Variants in SOD2 observed in about 807,000 individuals in gnomAD.
The protein encoded by SOD2 is superoxide dismutase [Mn], mitochondrial.
SOD2 carries 11 observed loss-of-function variants against 27.0 expected under a neutral mutation model. The ratio of observed to expected loss-of-function variants is 0.41; its 90% CI spans 0.26 to 0.67. The LOEUF (loss-of-function observed/expected upper bound fraction) is 0.67. SOD2 is among the 30% of genes least tolerant of loss of function. SOD2 has a pLI of 0.34. For synonymous variants in SOD2, 105 were observed against 103.0 expected, an observed-to-expected ratio of 1.02 and a Z score of -0.12; for missense variants, 250 against 274.5, an observed-to-expected ratio of 0.91 and a Z score of 0.63.
chr6:159,698,015 C>A (rs1192901033), upstream of SOD2, among the ~76,000 whole-genome samples: 1 of 152,198 alleles, frequency 6.6e-6, no homozygotes, highest in African/African-American at 2.4e-5. Flanking sequence ...TGGCTCACGC[C>A]TATAATCCCA....
At chr6:159,693,046 C>A in intron 1 of SOD2, 99 bp downstream of exon 1, 1 of 1,487,578 alleles carries the variant, frequency 6.7e-7, no homozygotes, top group South Asian at 1.3e-5. Context: ...CCCGGTCCCG[C>A]CAGGCCCGGT....
chr6:159,698,793 G>GA (rs1777475751), intron 1 of SOD2, among the ~76,000 whole-genome samples: 1 of 150,882 alleles, frequency 6.6e-6, no homozygotes, highest in Non-Finnish European at 1.5e-5. Context: ...GTAAGCTAGA[G>GA]AAAAGAAAAA....
Position 159,677,496 on chromosome 6 carries a change from GC to G in SOD2, c.*4996del, listed in dbSNP as rs1335175584. On this transcript the variant is annotated 3_prime_UTR_variant, in exon 5 of 5. Transcript: ENST00000538183. ...TAGGAAGAGTGGTACCAGGTGGTAAGCTCCTATATTCCAATGACCAGAGTAA... is the reference window on the plus strand; with the variant it reads ...TAGGAAGAGTGGTACCAGGTGGTAAGTCCTATATTCCAATGACCAGAGTAA... 1 of 152,154 alleles carries G rather than the reference GC, an allele frequency of 6.6e-6. No individual in the cohort carries two copies. Among genetic ancestry groups the G allele is most frequent in the African/African-American group, 2.4e-5 (1 of 41,436 alleles). 9.4% of individuals were successfully genotyped at this position (152,154 alleles called of 1,614,324 possible).
upstream of SOD2, among the ~76,000 whole-genome samples, chr6:159,729,539 C>T (rs1225784518): frequency 6.6e-6 from 1 of 151,732 alleles, no homozygotes; most frequent in African/African-American, 2.4e-5. Context: ...ATTGAAGTTG[C>T]CTTTTATGTT....
rs575160376 is a variant in SOD2, at chr6:159,693,057, G to A, written c.23+88C>T. ...GTGCCCCGGTCCCGCCAGGCCCGGT[G>A]CGGCCACTGTCGCCATTGCCGCGGA... On this transcript the variant is annotated intron_variant, in intron 1 of 4. Coordinates refer to ENST00000538183, the MANE Select transcript of SOD2 (RefSeq NM_000636.4). 8.6e-4 allele frequency: 1,281 copies of A among 1,496,158 alleles called. 1 individual carries two copies. The highest frequency in any genetic ancestry group is 1.1e-3 in the Non-Finnish European group (1,238 of 1,124,400). The allele number at this position is 1,496,158 out of a possible 1,614,324, so 92.7% of individuals were successfully genotyped here.
chr6:159,735,131 T>A (rs916339388), intron 1 of SOD2, among the ~76,000 whole-genome samples: 2 of 152,104 alleles, frequency 1.3e-5, no homozygotes, highest in South Asian at 2.1e-4. Flanking sequence ...GACATACATG[T>A]GTATGTGAGT....
chr6:159,703,604 C>T (rs1349924830), intron 1 of SOD2, among the ~76,000 whole-genome samples: 1 of 152,154 alleles, frequency 6.6e-6, no homozygotes, highest in Non-Finnish European at 1.5e-5. Context: ...AGTGTACACT[C>T]ACATGCCTTA....
exon 1 of SOD2, chr6:159,761,970 G>A: frequency 5.9e-6 from 7 of 1,183,988 alleles, no homozygotes; most frequent in Non-Finnish European, 8.6e-6. Flanking sequence ...GCGCGGGGAG[G>A]TGGAGGGCGA....
upstream of SOD2, among the ~76,000 whole-genome samples, chr6:159,729,796 AT>A (rs949062132): frequency 1.8e-4 from 27 of 152,126 alleles, no homozygotes; most frequent in Admixed American, 6.5e-4. Flanking sequence ...TTCAGCTATG[AT>A]TTGTTCGCCA....
At chr6:159,748,967 A>G, upstream of SOD2, 1 of 1,067,408 alleles carries the variant, frequency 9.4e-7, no homozygotes, top group Non-Finnish European at 1.1e-6. This position sits in a 1 kb window ranked among gnomAD's most constrained non-coding sequence, Gnocchi z 5.6. Context: ...TTATTTGCTG[A>G]GAACCAACTT....
At chr6:159,725,054 T>C (rs941680893) in intron 1 of SOD2, among the ~76,000 whole-genome samples, 1 of 152,148 alleles carries the variant, frequency 6.6e-6, no homozygotes, top group Admixed American at 6.5e-5. Flanking sequence ...CAACTTTCCC[T>C]ATGCTCAGCT....
Position 159,670,028 on chromosome 6 carries a change from A to T in SOD2, c.*12465T>A, listed in dbSNP as rs1779621582. ...AATCACTTGTTTTTTGAGAGACAGG[A>T]TCTCTTTCACCCAGACTGGAGTGCA... On this transcript the variant is annotated 3_prime_UTR_variant, in exon 5 of 5. Coordinates refer to ENST00000538183, the MANE Select transcript of SOD2 (RefSeq NM_000636.4). 6.6e-6 allele frequency: 1 copy of T among 152,192 alleles called. No homozygotes were observed. Among genetic ancestry groups the T allele is most frequent in the African/African-American group, 2.4e-5 (1 of 41,444 alleles). 9.4% of individuals were successfully genotyped at this position (152,192 alleles called of 1,614,324 possible).
At chr6:159,758,448 C>A (rs377513602) in intron 1 of SOD2, among the ~76,000 whole-genome samples, 8 of 152,142 alleles carry the variant, frequency 5.3e-5, no homozygotes, top group African/African-American at 1.7e-4. Flanking sequence ...ACTGACTACT[C>A]CAGTTTTTGA....
At chr6:159,710,289 A>ATATATATATATATAT (rs1562436098) in intron 1 of SOD2, among the ~76,000 whole-genome samples, 1 of 145,468 alleles carries the variant, frequency 6.9e-6, no homozygotes, top group African/African-American at 2.6e-5. Context: ...ATATATATAT[A>ATATATATATATATAT]AAATACAAAA....
intron 1 of SOD2, chr6:159,713,068 G>C: frequency 1.5e-6 from 1 of 660,846 alleles, no homozygotes; most frequent in Non-Finnish European, 2.7e-6. Flanking sequence ...ATGAGGTTAA[G>C]AGGTGAATAG....
intron 1 of SOD2, 21 bp from the exon 2 acceptor site, chr6:159,692,884 C>A: frequency 1.9e-6 from 3 of 1,569,618 alleles, no homozygotes; most frequent in South Asian, 1.2e-5. Flanking sequence ...GAAAGCACAG[C>A]CCGGTCAGTC....
rs1216855272 is a variant in SOD2, at chr6:159,676,651, A to T, written c.*5842T>A. 2 of 152,166 alleles carry T rather than the reference A, an allele frequency of 1.3e-5. No individual in the cohort carries two copies. Among genetic ancestry groups the T allele is most frequent in the Admixed American group, 6.6e-5 (1 of 15,266 alleles). 9.4% of individuals were successfully genotyped at this position (152,166 alleles called of 1,614,324 possible). ...TTAGGAGATATACCTAATGTAAATG[A>T]CGAGTTAATAGGTGCAGCACACCAA... is the stretch of plus-strand genomic sequence containing the variant. On this transcript the variant is annotated 3_prime_UTR_variant, in exon 5 of 5. Transcript: ENST00000538183.
At chr6:159,730,826 G>T (rs539687414), upstream of SOD2, 14 of 152,272 alleles carry the variant, frequency 9.2e-5, no homozygotes, top group African/African-American at 3.1e-4. Context: ...TACAAATACA[G>T]AGTTTTATTT....
intron 1 of SOD2, among the ~76,000 whole-genome samples, chr6:159,741,406 C>G (rs1433194605): frequency 6.6e-6 from 1 of 152,134 alleles, no homozygotes; most frequent in Non-Finnish European, 1.5e-5. Flanking sequence ...GGTATTTTCC[C>G]AAAAGAGCCA....
Sources: gnomAD v4.1 joint callset for allele counts (sites outside exome capture counted in the v4.1 genomes callset) on GRCh38, gnomAD v4.1.1 for gene constraint, Gnocchi (gnomAD v3.1) non-coding constraint, MANE v1.5 for transcripts, NCBI Gene and HGNC (gene_info 2026-07-23, HGNC 2026-07-21) for gene names.